The following DIDO1 variants were observed in gnomAD, a reference collection of about 807,000 sequenced individuals.
The protein encoded by DIDO1 is death-inducer obliterator 1.
A neutral mutation model predicts 99.4 loss-of-function variants in DIDO1; 16 were observed. The observed-to-expected ratio is 0.16, with a 90% confidence interval of 0.11 to 0.24. The LOEUF is 0.24. DIDO1 is among the 10% of genes least tolerant of loss of function. The pLI, the probability that DIDO1 is intolerant of heterozygous loss-of-function variation, is 1.00. For synonymous variants in DIDO1, 1,366 were observed against 1,239.1 expected, an observed-to-expected ratio of 1.10 and a Z score of -2.15; for missense variants, 2,996 against 3,014.0, an observed-to-expected ratio of 0.99 and a Z score of 0.14.
At chr20:62,928,249 A>G (rs2065286316), upstream of DIDO1, among the ~76,000 whole-genome samples, 1 of 152,196 alleles carries the variant, frequency 6.6e-6, no homozygotes, top group Non-Finnish European at 1.5e-5. Context: ...GAATAGAAAG[A>G]GTGGACAAGG....
chr20:62,906,045 G>T lies in DIDO1; in HGVS notation c.1430C>A (p.Thr477Asn). The change falls in exon 6 of 16, where the codon ACC becomes AAC. Residue 477 changes from threonine to asparagine, a missense_variant. Thr to Asn is a moderately conservative substitution (Grantham distance 65, BLOSUM62 0). Coordinates refer to ENST00000395343, the MANE Select transcript of DIDO1 (RefSeq NM_001193369.2). ...HKRPAPEKKE[T>N]TVKKAVVVPA... ...GACCACCACTGCCTTCTTCACTGTG[G>T]TCTCTTTTTTTTCTGGAGCTGGTCT... is the stretch of plus-strand genomic sequence containing the variant. 1 of 1,613,716 alleles carries T rather than the reference G, an allele frequency of 6.2e-7. No individual in the cohort carries two copies.
chr20:62,919,750 G>T (rs1011651550), intron 1 of DIDO1, among the ~76,000 whole-genome samples: 7 of 152,222 alleles, frequency 4.6e-5, no homozygotes, highest in African/African-American at 1.7e-4. Flanking sequence ...CTACAGCCGG[G>T]CCGCCAAGCT....
chr20:62,905,589 T>C, intron 6 of DIDO1: 1 of 1,551,190 alleles, frequency 6.4e-7, no homozygotes, highest in Non-Finnish European at 8.7e-7. Flanking sequence ...AGAATACGAA[T>C]ACTTACCAGA....
intron 6 of DIDO1, among the ~76,000 whole-genome samples, chr20:62,898,305 C>T (rs1166350771): frequency 2.6e-5 from 4 of 152,218 alleles, no homozygotes; most frequent in African/African-American, 9.7e-5. Context: ...GCCACGTTGG[C>T]AGCGGGTGCC....
At chr20:62,893,392 TTTAA>T (rs1294713024) in intron 12 of DIDO1, among the ~76,000 whole-genome samples, 2 of 152,228 alleles carry the variant, frequency 1.3e-5, no homozygotes, top group African/African-American at 2.4e-5. Context: ...AATTACTTAC[TTTAA>T]TTAAAATGAT....
chr20:62,882,515 A>G lies in DIDO1; in HGVS notation c.3542-101T>C, dbSNP rs1041959827. 5 of 1,174,782 alleles carry G rather than the reference A, an allele frequency of 4.3e-6. No homozygotes were observed. In the African/African-American group the frequency reaches 7.8e-5, roughly 18 times the overall value. The allele number at this position is 1,174,782 out of a possible 1,614,324, so 72.8% of individuals were successfully genotyped here. A position where few individuals can be genotyped will look rare whatever the true frequency, so the allele number is the denominator to read the frequency against. On this transcript the variant is annotated intron_variant, in intron 15 of 15. Coordinates refer to ENST00000395343, the MANE Select transcript of DIDO1 (RefSeq NM_001193369.2). ...GGCTTTCACGGGGAACGTTTAATAG[A>G]CAAAAATAAGCCATTCTGTGGCAAA...
chr20:62,930,267 G>C (rs974738589), upstream of DIDO1, among the ~76,000 whole-genome samples: 7 of 151,386 alleles, frequency 4.6e-5, no homozygotes, highest in African/African-American at 1.7e-4. Context: ...CAAATGCTAC[G>C]TTTGTGCATC....
At position 62,909,978 on chromosome 20, in the gene DIDO1, G is replaced by A. The variant is rs541453651; in HGVS notation, c.882C>T (p.Gly294=). 8.1e-6 allele frequency: 13 copies of A among 1,612,224 alleles called. No individual in the cohort carries two copies. Among genetic ancestry groups the A allele is most frequent in the Non-Finnish European group, 1.0e-5 (12 of 1,179,990 alleles). The stretch of plus-strand genomic sequence containing the variant: ...GAGCCTCAGAAATGCCCACACAATC[G>A]CCATGAAACCATTCTTCACAGCGGT... The part of the protein sequence containing the change: ...CCDRCEEWFH[G]DCVGISEARG... The change falls in exon 4 of 16, where the codon GGC becomes GGT. Residue 294 remains glycine (G), a synonymous_variant. Coordinates refer to ENST00000395343, the MANE Select transcript of DIDO1 (RefSeq NM_001193369.2).
At chr20:62,895,452 G>C (rs905229193) in intron 8 of DIDO1, among the ~76,000 whole-genome samples, 1 of 94,768 alleles carries the variant, frequency 1.1e-5, no homozygotes, top group Non-Finnish European at 1.9e-5. Context: ...TGCTGCACTG[G>C]CTCTGCTAAA....
chr20:62,929,672 G>C (rs1319823023), upstream of DIDO1, among the ~76,000 whole-genome samples: 1 of 83,138 alleles, frequency 1.2e-5, no homozygotes, highest in Admixed American at 1.3e-4. Flanking sequence ...GGAGAACGTG[G>C]ATTCCCAGAA....
In DIDO1 at chr20:62,896,946, A is replaced by AGGCTGCCGT. The variant is rs770917130; in HGVS notation, c.1638_1639insACGGCAGCC (p.Ala546_Ser547insThrAlaAla). 6.2e-7 allele frequency: 1 copy of AGGCTGCCGT among 1,613,670 alleles called. No individual in the cohort carries two copies. Among genetic ancestry groups the AGGCTGCCGT allele is most frequent in the Non-Finnish European group, 8.5e-7 (1 of 1,179,880 alleles). On this transcript the variant is annotated inframe_insertion, in exon 7 of 16. Transcript: ENST00000395343. The surrounding 1 kb of genome is among the most constrained non-coding windows in gnomAD (Gnocchi z 4.4). ...GAGCCTGGAGGGGCTGTTTTCTTTG[A>AGGCTGCCGT]GGCTGCCATGGCTGCCGCTTTCTCC...
intron 2 of DIDO1, among the ~76,000 whole-genome samples, chr20:62,912,343 C>T (rs781182762): frequency 2.0e-5 from 3 of 152,046 alleles, no homozygotes; most frequent in Non-Finnish European, 2.9e-5. Context: ...TTGTTTTAGT[C>T]TACTGAGCTT....
At chr20:62,927,009 C>A (rs1217418612), upstream of DIDO1, among the ~76,000 whole-genome samples, 2 of 152,152 alleles carry the variant, frequency 1.3e-5, no homozygotes, top group Admixed American at 6.5e-5. Flanking sequence ...GGAATGGCAG[C>A]GAGGGGCGAG....
At position 62,881,020 on chromosome 20, in the gene DIDO1, T is replaced by C. The variant is rs2147346402; in HGVS notation, c.4936A>G (p.Thr1646Ala). 1.2e-6 allele frequency: 2 copies of C among 1,604,446 alleles called. No individual in the cohort carries two copies. Among genetic ancestry groups the C allele is most frequent in the Non-Finnish European group, 1.7e-6 (2 of 1,178,112 alleles). The change falls in exon 16 of 16, where the codon ACG becomes GCG. Residue 1646 changes from threonine (T) to alanine (A), a missense_variant. Physicochemically the swap from Thr to Ala is moderately conservative, Grantham distance 58 (BLOSUM62 0). Transcript: ENST00000395343. This position sits in a 1 kb window ranked among gnomAD's most constrained non-coding sequence, Gnocchi z 8.3. ...AEPGEGTRPA[T>A]VGDSSARPAR... is the part of the protein sequence containing the mutation. ...GGCCTGGCCGAGCTGTCTCCAACCG[T>C]GGCGGGGCGGGTGCCCTCCCCAGGC...
chr20:62,936,588 G>A (rs2065387339), intron 1 of DIDO1, among the ~76,000 whole-genome samples: 1 of 151,720 alleles, frequency 6.6e-6, no homozygotes, highest in South Asian at 2.1e-4. Flanking sequence ...AAAATAGGCC[G>A]GGAGCGGTGG....
intron 15 of DIDO1, 24 bp from the exon 16 acceptor site, chr20:62,882,438 A>C: frequency 6.3e-7 from 1 of 1,586,074 alleles, no homozygotes; most frequent in Non-Finnish European, 8.6e-7. Flanking sequence ...TATTTGTGCA[A>C]ATTTTAGAAT....
At chr20:62,883,972 C>T (rs2064254730) in intron 15 of DIDO1, among the ~76,000 whole-genome samples, 1 of 152,194 alleles carries the variant, frequency 6.6e-6, no homozygotes, top group African/African-American at 2.4e-5. Flanking sequence ...TGCCACTGAA[C>T]TCCAGCCTGG....
chr20:62,907,062 C>T (rs981766387), intron 5 of DIDO1, 85 bp downstream of exon 5: 1 of 1,439,686 alleles, frequency 6.9e-7, no homozygotes, highest in Non-Finnish European at 9.7e-7. Context: ...GCCACCCCCA[C>T]ACGGTCTACA....
rs138212488 is a variant in DIDO1 at position 62,907,606 on chromosome 20, G to A, written c.1162-247C>T. ...AGTGTGAGGAGACCCCTGGACTGCC[G>A]CCCTCTGCTCTGTGCACCCCTCTCG... On this transcript the variant is annotated intron_variant, in intron 4 of 15. Coordinates refer to ENST00000395343, the MANE Select transcript of DIDO1 (RefSeq NM_001193369.2). Among the ~76,000 whole-genome samples the A allele has an allele frequency of 1.9e-3, 294 of 151,848 alleles. 1 individual carries two copies. Among genetic ancestry groups the A allele is most frequent in the African/African-American group, 6.5e-3 (268 of 41,108 alleles).
Sources: gnomAD v4.1 joint callset for allele counts (sites outside exome capture counted in the v4.1 genomes callset) on GRCh38, gnomAD v4.1.1 for gene constraint, Gnocchi (gnomAD v3.1) non-coding constraint, MANE v1.5 for transcripts, NCBI Gene and HGNC (gene_info 2026-07-23, HGNC 2026-07-21) for gene names.